Variants in ARID4A observed in about 807,000 individuals in gnomAD.
ARID4A encodes AT-rich interactive domain-containing protein 4A.
In ARID4A, 39 loss-of-function variants were observed where a neutral mutation model predicts 148.6. That is an observed-to-expected ratio of 0.26 (90% CI 0.20 to 0.34). The LOEUF (loss-of-function observed/expected upper bound fraction) is 0.34. Ranked by LOEUF, ARID4A falls within the 10% of genes least tolerant of loss-of-function variation. The probability of loss-of-function intolerance (pLI) is 1.00; values close to 1 mark genes in which losing one functional copy is unlikely to be tolerated. For synonymous variants in ARID4A, 475 were observed against 481.2 expected (o/e 0.99, Z 0.17); for missense variants, 1,265 against 1,449.1 (o/e 0.87, Z 2.06).
chr14:58,357,657 T>C (rs946775974), intron 17 of ARID4A, among the ~76,000 whole-genome samples: 3 of 151,292 alleles, frequency 2.0e-5, no homozygotes, highest in Non-Finnish European at 2.9e-5. Flanking sequence ...GTTAGTGTTA[T>C]TTTATGTGTG....
intron 17 of ARID4A, among the ~76,000 whole-genome samples, chr14:58,354,669 C>T (rs1282082354): frequency 6.9e-6 from 1 of 145,694 alleles, no homozygotes. Flanking sequence ...GATGATAGAG[C>T]GAAACCCTGT....
chr14:58,306,532 G>C (rs914119811), intron 5 of ARID4A, among the ~76,000 whole-genome samples: 1 of 152,178 alleles, frequency 6.6e-6, no homozygotes, highest in Non-Finnish European at 1.5e-5. Flanking sequence ...TTCAAGAATA[G>C]GTGATTGTTA....
At chr14:58,309,780 TG>T (rs2031882439) in intron 5 of ARID4A, among the ~76,000 whole-genome samples, 1 of 152,246 alleles carries the variant, frequency 6.6e-6, no homozygotes, top group South Asian at 2.1e-4. Flanking sequence ...TTAATGTTTT[TG>T]TAACAAGAAG....
rs1382650219 is a variant in ARID4A, at chr14:58,323,514, G to A, written c.479G>A (p.Ser160Asn). ...GAAGATGAAAAGGAAGAAGAAAGCA[G>A]TGAAGAGGAAGATGAAGACAAGCGC... ...VTEDEKEEES[S>N]EEEDEDKRRL... is the part of the protein sequence containing the mutation. The change falls in exon 8 of 24, where the codon AGT (serine) becomes AAT (asparagine). Residue 160 changes from serine to asparagine, a missense_variant. Transcript: ENST00000355431. The A allele has an allele frequency of 1.9e-6, 3 of 1,613,890 alleles. No homozygotes were observed. Among genetic ancestry groups the A allele is most frequent in the Admixed American group, 3.3e-5 (2 of 60,010 alleles).
chr14:58,340,227 C>G (rs2034045172), intron 11 of ARID4A, among the ~76,000 whole-genome samples: 1 of 140,116 alleles, frequency 7.1e-6, no homozygotes, highest in South Asian at 2.3e-4. Flanking sequence ...TTTTCTACTT[C>G]TTCTTCTTCT....
At chr14:58,336,750 C>G (rs149753343) in intron 11 of ARID4A, among the ~76,000 whole-genome samples, 315 of 151,970 alleles carry the variant, frequency 2.1e-3, no homozygotes, top group African/African-American at 6.9e-3. Flanking sequence ...TTACAACAGT[C>G]TATGAAAATA....
At position 58,372,445 on chromosome 14, in the gene ARID4A, CG is replaced by C. The variant is rs1054282298; in HGVS notation, c.*457del. 1 of 228,458 alleles carries C rather than the reference CG, an allele frequency of 4.4e-6. No homozygotes were observed. The highest frequency in any genetic ancestry group is 6.4e-5 in the East Asian group (1 of 15,620). The allele number at this position is 228,458 out of a possible 1,614,324, so 14.2% of individuals were successfully genotyped here. ...TTTATGTTGTGTTTTTTTTCATTAT[CG>C]TTTTTTTTATTTTTGTGGAAGCACT... On this transcript the variant is annotated 3_prime_UTR_variant, in exon 24 of 24. Transcript: ENST00000355431.
intron 8 of ARID4A, among the ~76,000 whole-genome samples, chr14:58,326,931 T>C (rs2033248712): frequency 6.6e-6 from 1 of 152,132 alleles, no homozygotes; most frequent in South Asian, 2.1e-4. Flanking sequence ...TGTTTGCCCC[T>C]CCAGTATACT....
chr14:58,305,637 A>G (rs951586301), intron 4 of ARID4A, among the ~76,000 whole-genome samples: 13 of 152,150 alleles, frequency 8.5e-5, no homozygotes, highest in Admixed American at 2.0e-4. Flanking sequence ...AAGAAAATGG[A>G]TGCTATTTTG....
intron 8 of ARID4A, 141 bp from the exon 9 acceptor site, chr14:58,328,096 A>G: frequency 1.6e-6 from 1 of 637,634 alleles, no homozygotes. Flanking sequence ...CATTAATAAT[A>G]GGAGCTATTT....
Position 58,323,573 on chromosome 14 carries a change from A to G in ARID4A, c.538A>G (p.Ser180Gly), listed in dbSNP as rs766631347. Residue 180 changes from serine to glycine, a missense_variant, in exon 8 of 24, where the codon AGT becomes GGT. Transcript: ENST00000355431. The stretch of plus-strand genomic sequence containing the variant: ...TGATGAATTACTAGGAAAAGTTGTA[A>G]GTGTGGTGTCTGCAACGGAGAGGAC... Reference protein sequence around the residue: ...LNDELLGKVVSVVSATERTEW... With the variant: ...LNDELLGKVVGVVSATERTEW... 1 of 1,614,180 alleles carries G rather than the reference A, an allele frequency of 6.2e-7. No homozygotes were observed. Among genetic ancestry groups the G allele is most frequent in the Non-Finnish European group, 8.5e-7 (1 of 1,180,010 alleles).
At chr14:58,299,896 C>T (rs774239075) in intron 2 of ARID4A, 36 bp downstream of exon 2, 2 of 1,613,898 alleles carry the variant, frequency 1.2e-6, no homozygotes, top group South Asian at 2.2e-5. Flanking sequence ...TCCTCGCGCC[C>T]TGAACACTGC....
chr14:58,318,757 C>T lies in ARID4A; in HGVS notation c.401C>T (p.Pro134Leu). The T allele has an allele frequency of 1.9e-6, 3 of 1,614,086 alleles. No individual in the cohort carries two copies. Among genetic ancestry groups the T allele is most frequent in the Non-Finnish European group, 1.7e-6 (2 of 1,179,990 alleles). Residue 134 changes from proline to leucine, a missense_variant, in exon 7 of 24, where the codon CCA (proline) becomes CTA (leucine). By Grantham distance (98) the Pro-to-Leu change is moderately conservative. Transcript: ENST00000355431. ...PLTNPEHFGT[P>L]VIAKKTNRGR... Reference sequence around the variant, plus strand: ...ACAAATCCAGAGCATTTTGGAACTCCAGTAATTGCAAAGAAGACGAACAGA... The same window carrying T: ...ACAAATCCAGAGCATTTTGGAACTCTAGTAATTGCAAAGAAGACGAACAGA...
chr14:58,367,507 G>A (rs550220899), intron 23 of ARID4A, among the ~76,000 whole-genome samples: 1 of 152,364 alleles, frequency 6.6e-6, no homozygotes, highest in African/African-American at 2.4e-5. Context: ...CCAGGTGGCG[G>A]AAGTACAGAA....
intron 23 of ARID4A, among the ~76,000 whole-genome samples, chr14:58,369,197 G>A (rs1417563709): frequency 2.0e-5 from 3 of 152,090 alleles, no homozygotes; most frequent in Non-Finnish European, 2.9e-5. Context: ...TAAACAAGAG[G>A]AAGTTGTCAT....
Position 58,359,150 on chromosome 14 carries a change from G to A in ARID4A, c.1872G>A (p.Lys624=). 1 of 1,585,772 alleles carries A rather than the reference G, an allele frequency of 6.3e-7. No individual in the cohort carries two copies. The highest frequency in any genetic ancestry group is 8.5e-7 in the Non-Finnish European group (1 of 1,172,688). ...TTTTAAGGTATGATGAGTGGGTGAA[G>A]GCTGACAGGATAATCTGGCCTTTGG... ...GWNVRYDEWV[K]ADRIIWPLDK... The change falls in exon 18 of 24, where the codon AAG becomes AAA. Residue 624 remains lysine (K), a synonymous_variant. Coordinates refer to ENST00000355431, the MANE Select transcript of ARID4A (RefSeq NM_002892.4).
intron 5 of ARID4A, 43 bp from the exon 6 acceptor site, chr14:58,318,499 C>T: frequency 6.4e-7 from 1 of 1,559,798 alleles, no homozygotes; most frequent in Non-Finnish European, 8.8e-7. Flanking sequence ...GTTTTTATTT[C>T]ATTAGTGTGC....
intron 11 of ARID4A, among the ~76,000 whole-genome samples, chr14:58,336,264 A>G (rs1192409324): frequency 6.6e-6 from 1 of 152,204 alleles, no homozygotes; most frequent in Non-Finnish European, 1.5e-5. Context: ...ACTAAATGAC[A>G]TATGTCTGTA....
intron 11 of ARID4A, among the ~76,000 whole-genome samples, chr14:58,344,027 T>G (rs2034238483): frequency 6.6e-6 from 1 of 152,174 alleles, no homozygotes; most frequent in Admixed American, 6.5e-5. Context: ...CTTCTGGAAT[T>G]ATTTTGTTAT....
Sources: gnomAD v4.1 joint callset for allele counts (sites outside exome capture counted in the v4.1 genomes callset) on GRCh38, gnomAD v4.1.1 for gene constraint, MANE v1.5 for transcripts, NCBI Gene and HGNC (gene_info 2026-07-23, HGNC 2026-07-21) for gene names.